OCM: variants seen among roughly 807,000 people sequenced by gnomAD.
OCM encodes oncomodulin.
In OCM, 18 loss-of-function variants were observed where a neutral mutation model predicts 14.1. The ratio of observed to expected loss-of-function variants is 1.28; its 90% CI spans 0.88 to 1.89. The LOEUF is 1.89. Among genes scored for constraint, OCM ranks in the 40% most tolerant of loss-of-function variants. The pLI is 0.00. For synonymous variants in OCM, 48 were observed against 51.0 expected (o/e 0.94, Z 0.25); for missense variants, 140 against 137.6 (o/e 1.02, Z -0.09).
the OCM span, among the ~76,000 whole-genome samples, chr7:5,869,910 C>G: frequency 4.8e-3 from 731 of 152,240 alleles, 3 homozygotes; most frequent in Middle Eastern, 0.014. Context: ...CAGAGGCCCA[C>G]GCGCCACGTG....
the OCM span, among the ~76,000 whole-genome samples, chr7:5,870,298 G>A: frequency 5.3e-5 from 8 of 151,958 alleles, no homozygotes; most frequent in Admixed American, 2.6e-4. Flanking sequence ...TTTTTGTAGC[G>A]ATAGAGTCCC....
the OCM span, among the ~76,000 whole-genome samples, chr7:5,872,518 C>A: frequency 6.6e-6 from 1 of 152,172 alleles, no homozygotes; most frequent in Non-Finnish European, 1.5e-5. Flanking sequence ...ACAGAGACAG[C>A]TGGATGCAGA....
At chr7:5,881,011 A>C in intron 1 of OCM, 61 bp downstream of exon 1, 2 of 1,553,420 alleles carry the variant, frequency 1.3e-6, no homozygotes, top group Admixed American at 3.3e-5. Context: ...CAGCGAGTCA[A>C]CACAAAATCA....
chr7:5,883,448 G>C (rs113750949), intron 2 of OCM, among the ~76,000 whole-genome samples: 12,199 of 152,214 alleles, frequency 0.08, 533 homozygotes, highest in South Asian at 0.11. Context: ...GGGAGGCTGA[G>C]GTGGGTGGAT....
At chr7:5,860,805 C>CGTAT in the OCM span, among the ~76,000 whole-genome samples, 16 of 109,976 alleles carry the variant, frequency 1.5e-4, 2 homozygotes, top group African/African-American at 4.9e-4. Context: ...TATATACACA[C>CGTAT]ATACACACAT....
chr7:5,861,765 G>C, the OCM span, among the ~76,000 whole-genome samples: 2 of 152,010 alleles, frequency 1.3e-5, no homozygotes, highest in Non-Finnish European at 2.9e-5. Flanking sequence ...TGTTGTTAGA[G>C]ACAGGGTCTC....
upstream of OCM, among the ~76,000 whole-genome samples, chr7:5,874,949 A>G (rs114041704): frequency 0.067 from 10,080 of 151,430 alleles, 552 homozygotes; most frequent in East Asian, 0.25. Context: ...CCTGCTAACC[A>G]CCATTCTGTC....
At position 5,886,132 on chromosome 7, in the gene OCM, T is replaced by A. The variant is rs780896107; in HGVS notation, c.*43T>A. The A allele has an allele frequency of 2.5e-6, 4 of 1,583,694 alleles. No homozygotes were observed. The African/African-American group carries it at 5.4e-5, about 21-fold the overall frequency. ...GAAAAGAGAGAAAGGGATAATCACC[T>A]GGAAGGATTCCAAAGCCCTGGGAAT... On this transcript the variant is annotated 3_prime_UTR_variant, in exon 4 of 4. Coordinates refer to ENST00000242104, the MANE Select transcript of OCM (RefSeq NM_001097622.2).
At chr7:5,860,530 GTATA>G in the OCM span, among the ~76,000 whole-genome samples, 1 of 39,290 alleles carries the variant, frequency 2.5e-5, no homozygotes, top group Non-Finnish European at 4.4e-5. Context: ...ATATACGTGT[GTATA>G]TATATTACGT....
chr7:5,878,875 TAA>T (rs57901741), upstream of OCM, among the ~76,000 whole-genome samples: 10,753 of 101,758 alleles, frequency 0.11, 649 homozygotes, highest in Admixed American at 0.24. Context: ...TGCTGAAAGT[TAA>T]AAAAAAAAAA....
the OCM span, among the ~76,000 whole-genome samples, chr7:5,865,847 C>G: frequency 1.3e-5 from 2 of 152,082 alleles, no homozygotes; most frequent in Non-Finnish European, 2.9e-5. Context: ...ATCTTTTGTT[C>G]TTTTATTCAT....
chr7:5,872,053 G>A, the OCM span: 2 of 152,210 alleles, frequency 1.3e-5, no homozygotes, highest in African/African-American at 2.4e-5. Flanking sequence ...CGCCCGGCAG[G>A]ACTTGCATTT....
At chr7:5,882,873 C>T (rs1781250703) in intron 2 of OCM, among the ~76,000 whole-genome samples, 2 of 146,986 alleles carry the variant, frequency 1.4e-5, no homozygotes, top group African/African-American at 2.5e-5. Flanking sequence ...GACAGGGCCT[C>T]ACTCTGTTGC....
chr7:5,860,367 T>C, the OCM span, among the ~76,000 whole-genome samples: 1 of 144,284 alleles, frequency 6.9e-6, no homozygotes, highest in African/African-American at 2.6e-5. Flanking sequence ...TATATATGCA[T>C]ATATATATAT....
upstream of OCM, among the ~76,000 whole-genome samples, chr7:5,875,311 C>T (rs1781074497): frequency 6.6e-6 from 1 of 152,054 alleles, no homozygotes; most frequent in Admixed American, 6.6e-5. Flanking sequence ...CCCACCTCAG[C>T]CTGCCAAAGT....
upstream of OCM, among the ~76,000 whole-genome samples, chr7:5,876,954 C>T (rs530540542): frequency 2.6e-5 from 4 of 152,256 alleles, no homozygotes; most frequent in Middle Eastern, 3.4e-3. Flanking sequence ...TACAGGCATG[C>T]GCCACCATGC....
In OCM at chr7:5,883,822, A is replaced by C. The variant is rs1292009914; in HGVS notation, c.195-68A>C. Reference sequence around the variant, plus strand: ...AAACAGGTGATATGCTTAGAGGAAAAACAAAAGTGTAAACACAGAGATGCA... The same window carrying C: ...AAACAGGTGATATGCTTAGAGGAAACACAAAAGTGTAAACACAGAGATGCA... On this transcript the variant is annotated intron_variant, in intron 2 of 3. Coordinates refer to ENST00000242104, the MANE Select transcript of OCM (RefSeq NM_001097622.2). 8 of 1,593,740 alleles carry C rather than the reference A, an allele frequency of 5.0e-6. No individual in the cohort carries two copies. In the African/African-American group the frequency reaches 1.1e-4, roughly 21 times the overall value.
chr7:5,883,052 G>A (rs906581013), intron 2 of OCM, among the ~76,000 whole-genome samples: 61 of 152,144 alleles, frequency 4.0e-4, no homozygotes, highest in African/African-American at 1.4e-3. Flanking sequence ...TATGTTGCCA[G>A]GCTGGTCTCA....
At chr7:5,881,382 G>T (rs1333103841) in intron 1 of OCM, among the ~76,000 whole-genome samples, 2 of 150,610 alleles carry the variant, frequency 1.3e-5, no homozygotes, top group Non-Finnish European at 2.9e-5. Context: ...ACACTTTTTG[G>T]AGGCCAAGGT....
Sources: allele counts gnomAD v4.1 joint callset (sites outside exome capture counted in the v4.1 genomes callset), GRCh38; gene constraint gnomAD v4.1.1; transcripts MANE v1.5; gene names NCBI Gene and HGNC (gene_info 2026-07-23, HGNC 2026-07-21).